Variants in ZNF697 observed in about 807,000 individuals in gnomAD.
The protein encoded by ZNF697 is zinc finger protein 697.
In ZNF697, 23 loss-of-function variants were observed where a neutral mutation model predicts 32.4. The ratio of observed to expected loss-of-function variants is 0.71; its 90% CI spans 0.51 to 1.01. The LOEUF (loss-of-function observed/expected upper bound fraction) is 1.01. Among genes scored for constraint, ZNF697 ranks in the 50% least tolerant of loss-of-function variants. The pLI is 0.00. For missense variants in ZNF697, 930 were observed against 794.0 expected (o/e 1.17, Z -2.06); for synonymous variants, 418 against 337.2 (o/e 1.24, Z -2.62).
chr1:119,624,249 CT>C, intron 2 of ZNF697, 133 bp from the exon 3 acceptor site: 1 of 1,150,152 alleles, frequency 8.7e-7, no homozygotes, highest in Non-Finnish European at 1.2e-6. Context: ...CCAAGACCCC[CT>C]GAGAGTTTAG....
At chr1:119,632,727 G>A (rs971713613) in intron 1 of ZNF697, among the ~76,000 whole-genome samples, 13 of 152,128 alleles carry the variant, frequency 8.5e-5, no homozygotes, top group African/African-American at 2.4e-4. Context: ...CACGAAATAA[G>A]AATTAGTGCA....
intron 1 of ZNF697, among the ~76,000 whole-genome samples, chr1:119,628,234 T>C (rs929542815): frequency 1.3e-5 from 2 of 152,098 alleles, no homozygotes; most frequent in African/African-American, 4.8e-5. Context: ...ATTGCAGCAC[T>C]CCATCCTGAA....
chr1:119,642,393 T>A (rs1649100234), intron 1 of ZNF697, among the ~76,000 whole-genome samples: 1 of 152,174 alleles, frequency 6.6e-6, no homozygotes, highest in African/African-American at 2.4e-5. Context: ...TCAATATAGG[T>A]TCATAAGTTG....
intron 1 of ZNF697, among the ~76,000 whole-genome samples, chr1:119,646,429 C>T (rs1420870172): frequency 1.3e-5 from 2 of 151,838 alleles, no homozygotes; most frequent in Non-Finnish European, 2.9e-5. Context: ...CTTCATTATC[C>T]TCATGGCCTC....
intron 1 of ZNF697, among the ~76,000 whole-genome samples, chr1:119,640,388 C>G (rs988118273): frequency 1.3e-5 from 2 of 152,184 alleles, no homozygotes; most frequent in Non-Finnish European, 2.9e-5. Context: ...CAACTGGATC[C>G]AATAACCTGT....
intron 1 of ZNF697, among the ~76,000 whole-genome samples, chr1:119,630,996 G>A (rs1648747074): frequency 6.6e-6 from 1 of 152,194 alleles, no homozygotes; most frequent in African/African-American, 2.4e-5. Flanking sequence ...CCCACTTTGG[G>A]GCTACCTGTG....
In ZNF697 at chr1:119,621,446, C is replaced by G. The variant is rs587671632; in HGVS notation, c.*1259G>C. 1 of 152,616 alleles carries G rather than the reference C, an allele frequency of 6.6e-6. No homozygotes were observed. Among genetic ancestry groups the G allele is most frequent in the African/African-American group, 2.4e-5 (1 of 41,440 alleles). 9.5% of individuals were successfully genotyped at this position (152,616 alleles called of 1,614,324 possible). On this transcript the variant is annotated 3_prime_UTR_variant, in exon 3 of 3. Transcript: ENST00000421812. ...TGCAAATATCAAAGTGCTATTTTGG[C>G]ATCTATATAACAACCAGAAAACATT...
rs1553230598 is a variant in ZNF697, at chr1:119,648,220, G to GGCTGGCTC, written c.-568_-567insGAGCCAGC. 2.0e-5 allele frequency among the ~76,000 whole-genome samples: 3 copies of GGCTGGCTC among 151,780 alleles called. No individual in the cohort carries two copies. Among genetic ancestry groups the GGCTGGCTC allele is most frequent in the African/African-American group, 7.2e-5 (3 of 41,448 alleles). On this transcript the variant is annotated 5_prime_UTR_variant, in exon 1 of 3. Coordinates refer to ENST00000421812, the MANE Select transcript of ZNF697 (RefSeq NM_001080470.2). Reference sequence around the variant, plus strand: ...TGGCTGGTTGGCTGGCTGGCTGGCTGGCTGGCTGGCTGGCTCGCTGGCTGG... The same window carrying GGCTGGCTC: ...TGGCTGGTTGGCTGGCTGGCTGGCTGGCTGGCTCGCTGGCTGGCTGGCTCGCTGGCTGG...
rs368441330 is a variant in ZNF697, at chr1:119,623,988, C to T, written c.355G>A (p.Asp119Asn). The T allele has an allele frequency of 4.1e-5, 66 of 1,612,086 alleles. No homozygotes were observed. The highest frequency in any genetic ancestry group is 5.2e-5 in the Non-Finnish European group (61 of 1,179,264). Residue 119 changes from aspartate (D) to asparagine (N), a missense_variant, in exon 3 of 3, where the codon GAC becomes AAC. Transcript: ENST00000421812. Reference sequence around the variant, plus strand: ...TTCTCCCCAGCACTCTCGTCGTCGTCCTCCCGGAGGCTCCGGGATATGCTG... The same window carrying T: ...TTCTCCCCAGCACTCTCGTCGTCGTTCTCCCGGAGGCTCCGGGATATGCTG... Reference protein sequence around the residue: ...SDSISRSLREDDDESAGENRL... With the variant: ...SDSISRSLRENDDESAGENRL...
At chr1:119,642,597 A>AT (rs1557942201) in intron 1 of ZNF697, among the ~76,000 whole-genome samples, 1 of 152,176 alleles carries the variant, frequency 6.6e-6, no homozygotes, top group Non-Finnish European at 1.5e-5. Flanking sequence ...AGCTTATATA[A>AT]TTTATAAGCA....
chr1:119,629,849 G>A (rs1266344539), intron 1 of ZNF697, among the ~76,000 whole-genome samples: 1 of 152,226 alleles, frequency 6.6e-6, no homozygotes, highest in Non-Finnish European at 1.5e-5. Flanking sequence ...AACTCACCAT[G>A]TGGATACAAG....
chr1:119,619,685 C>T lies in ZNF697; in HGVS notation c.*3020G>A, dbSNP rs889926505. The T allele has an allele frequency of 2.0e-5, 3 of 152,560 alleles. No individual in the cohort carries two copies. 9.5% of individuals were successfully genotyped at this position (152,560 alleles called of 1,614,324 possible). A position where few individuals can be genotyped will look rare whatever the true frequency, so the allele number is the denominator to read the frequency against. ...TTTAGATTGTCTATGAACACAGGTCCTTAATTTGTATTTTTTCACATATGT... is the reference window on the plus strand; with the variant it reads ...TTTAGATTGTCTATGAACACAGGTCTTTAATTTGTATTTTTTCACATATGT... On this transcript the variant is annotated 3_prime_UTR_variant, in exon 3 of 3. Transcript: ENST00000421812.
In ZNF697 at chr1:119,648,231, T is replaced by TGGCTGCCC. The variant is rs879781113; in HGVS notation, c.-579_-578insGGGCAGCC. The stretch of plus-strand genomic sequence containing the variant: ...CTGGCTGGCTGGCTGGCTGGCTGGC[T>TGGCTGCCC]GGCTCGCTGGCTGGCTGCCCGGCTG... On this transcript the variant is annotated 5_prime_UTR_variant, in exon 1 of 3. Coordinates refer to ENST00000421812, the MANE Select transcript of ZNF697 (RefSeq NM_001080470.2). 6.6e-6 allele frequency among the ~76,000 whole-genome samples: 1 copy of TGGCTGCCC among 151,862 alleles called. No homozygotes were observed. Among genetic ancestry groups the TGGCTGCCC allele is most frequent in the Admixed American group, 6.5e-5 (1 of 15,270 alleles).
chr1:119,638,682 A>G (rs967837340), intron 1 of ZNF697, among the ~76,000 whole-genome samples: 12 of 152,128 alleles, frequency 7.9e-5, no homozygotes, highest in Admixed American at 6.5e-4. Flanking sequence ...AGCTTTATAC[A>G]GCTCTTCTAT....
intron 1 of ZNF697, among the ~76,000 whole-genome samples, chr1:119,628,811 G>T (rs941339547): frequency 2.0e-5 from 3 of 152,186 alleles, no homozygotes; most frequent in Non-Finnish European, 2.9e-5. Context: ...TGATCACGAT[G>T]TAATTATATG....
chr1:119,623,977 CTCGTCG>C lies in ZNF697; in HGVS notation c.360_365del (p.Asp120_Asp121del). 1 of 1,610,118 alleles carries C rather than the reference CTCGTCG, an allele frequency of 6.2e-7. No individual in the cohort carries two copies. Among genetic ancestry groups the C allele is most frequent in the South Asian group, 1.1e-5 (1 of 90,030 alleles). ...CCTCCAGCCGGTTCTCCCCAGCACTCTCGTCGTCGTCCTCCCGGAGGCTCCGGGATA... is the reference window on the plus strand; with the variant it reads ...CCTCCAGCCGGTTCTCCCCAGCACTCTCGTCCTCCCGGAGGCTCCGGGATA... On this transcript the variant is annotated inframe_deletion, in exon 3 of 3. Transcript: ENST00000421812.
intron 1 of ZNF697, among the ~76,000 whole-genome samples, chr1:119,630,311 C>T (rs1648725401): frequency 6.6e-6 from 1 of 152,222 alleles, no homozygotes; most frequent in African/African-American, 2.4e-5. Context: ...TTGTCAGTTT[C>T]ATTAGACATT....
At chr1:119,647,219 G>T (rs587644090) in intron 1 of ZNF697, among the ~76,000 whole-genome samples, 21 of 152,228 alleles carry the variant, frequency 1.4e-4, no homozygotes, top group Non-Finnish European at 3.1e-4. Flanking sequence ...CTGTGTCGCT[G>T]CTCCCCCTCA....
intron 1 of ZNF697, among the ~76,000 whole-genome samples, chr1:119,634,533 A>G (rs1325400451): frequency 1.3e-5 from 2 of 152,250 alleles, no homozygotes; most frequent in African/African-American, 4.8e-5. Flanking sequence ...AGTTTTCAGC[A>G]TGAAGTAAAA....
Sources: gnomAD v4.1 joint callset for allele counts (sites outside exome capture counted in the v4.1 genomes callset) on GRCh38, gnomAD v4.1.1 for gene constraint, MANE v1.5 for transcripts, NCBI Gene and HGNC (gene_info 2026-07-23, HGNC 2026-07-21) for gene names.